The following NKAIN3 variants were observed in gnomAD, a reference collection of about 807,000 sequenced individuals.
NKAIN3 encodes the protein sodium/potassium transporting ATPase interacting 3, also known as sodium/potassium-transporting ATPase subunit beta-1-interacting protein 3.
Under a neutral mutation model 30.2 loss-of-function variants are expected in NKAIN3, and 25 were observed. The observed-to-expected ratio is 0.83, with a 90% CI of 0.60 to 1.16. NKAIN3 has a LOEUF of 1.16. Ranked by LOEUF, NKAIN3 falls within the 50% of genes most tolerant of loss-of-function variation. NKAIN3 has a pLI of 0.00. For missense variants in NKAIN3, 225 were observed against 254.1 expected (o/e 0.89, Z 0.78); for synonymous variants, 91 against 89.6 (o/e 1.02, Z -0.09).
chr8:62,796,556 T>G (rs192044935), intron 4 of NKAIN3, among the ~76,000 whole-genome samples: 52 of 152,208 alleles, frequency 3.4e-4, no homozygotes, highest in African/African-American at 9.9e-4. Flanking sequence ...ATTCCTCACA[T>G]GTAGGCCATT....
In NKAIN3 at chr8:62,485,944, T is replaced by C. The variant is rs1806887097; in HGVS notation, c.55-93595T>C. On this transcript the variant is annotated intron_variant, in intron 1 of 6. Transcript: ENST00000623646. ...GGCGGGGCTGAGTGATGACAACAAGTACATATTAATTAGAAAATAGTTGTA... is the reference window on the plus strand; with the variant it reads ...GGCGGGGCTGAGTGATGACAACAAGCACATATTAATTAGAAAATAGTTGTA... 2.0e-5 allele frequency among the ~76,000 whole-genome samples: 3 copies of C among 152,182 alleles called. No homozygotes were observed. The South Asian group carries it at 6.2e-4, about 31-fold the overall frequency.
intron 4 of NKAIN3, among the ~76,000 whole-genome samples, chr8:62,774,041 C>T (rs1338327435): frequency 6.6e-6 from 1 of 152,146 alleles, no homozygotes; most frequent in Admixed American, 6.6e-5. Context: ...AGCATATGAA[C>T]ATAAAATATC....
intron 1 of NKAIN3, among the ~76,000 whole-genome samples, chr8:62,453,455 C>T (rs1011528050): frequency 2.0e-5 from 3 of 152,012 alleles, no homozygotes; most frequent in African/African-American, 7.2e-5. Flanking sequence ...AACCTAACAT[C>T]ACAATTAGAG....
intron 1 of NKAIN3, among the ~76,000 whole-genome samples, chr8:62,519,997 C>T (rs1563437361): frequency 1.3e-5 from 2 of 152,080 alleles, no homozygotes; most frequent in Admixed American, 6.6e-5. Context: ...TTTTTGCAGA[C>T]TTTGCTTCGT....
At chr8:62,582,817 C>T (rs1451700369) in intron 2 of NKAIN3, among the ~76,000 whole-genome samples, 1 of 126,744 alleles carries the variant, frequency 7.9e-6, no homozygotes, top group Non-Finnish European at 1.8e-5. Flanking sequence ...GAGTAAATGG[C>T]AGTGAAGAGG....
intron 4 of NKAIN3, among the ~76,000 whole-genome samples, chr8:62,800,249 C>CAATG (rs1372485302): frequency 6.6e-6 from 1 of 152,056 alleles, no homozygotes; most frequent in Non-Finnish European, 1.5e-5. Context: ...GTTAAATTGG[C>CAATG]CATACTGCAT....
At chr8:62,317,901 A>T (rs907418526) in intron 1 of NKAIN3, among the ~76,000 whole-genome samples, 6 of 152,116 alleles carry the variant, frequency 3.9e-5, no homozygotes, top group Non-Finnish European at 8.8e-5. Context: ...GATTCTTCCT[A>T]CCCATGAGCA....
intron 1 of NKAIN3, among the ~76,000 whole-genome samples, chr8:62,497,471 G>T (rs950246574): frequency 6.6e-6 from 1 of 151,834 alleles, no homozygotes; most frequent in Non-Finnish European, 1.5e-5. Context: ...AGTCTTAGAG[G>T]CGTTTATAGC....
chr8:62,399,915 A>G (rs1817881519), intron 1 of NKAIN3, among the ~76,000 whole-genome samples: 1 of 152,192 alleles, frequency 6.6e-6, no homozygotes, highest in Admixed American at 6.5e-5. Flanking sequence ...TTAAAAACTG[A>G]GACAATGGTC....
intron 5 of NKAIN3, among the ~76,000 whole-genome samples, chr8:62,938,311 A>G (rs1457179315): frequency 1.3e-5 from 2 of 151,822 alleles, no homozygotes; most frequent in African/African-American, 4.8e-5. Context: ...TAAAAGAACA[A>G]CTCATAAAAG....
chr8:62,816,705 C>A (rs1178186548), intron 4 of NKAIN3, among the ~76,000 whole-genome samples: 2 of 152,132 alleles, frequency 1.3e-5, no homozygotes, highest in Admixed American at 1.3e-4. Flanking sequence ...ACACTTCAGC[C>A]CTCAGAGTGG....
intron 4 of NKAIN3, among the ~76,000 whole-genome samples, chr8:62,894,001 A>G (rs1586318720): frequency 1.3e-5 from 2 of 152,322 alleles, no homozygotes; most frequent in South Asian, 4.1e-4. Flanking sequence ...AATACTACCA[A>G]TGAAAACCCA....
chr8:62,355,762 C>T (rs922152649), intron 1 of NKAIN3, among the ~76,000 whole-genome samples: 2 of 152,114 alleles, frequency 1.3e-5, no homozygotes, highest in East Asian at 1.9e-4. Context: ...CATGCATTTG[C>T]GACATTTAGA....
At chr8:62,624,956 C>G (rs1217619336) in intron 3 of NKAIN3, among the ~76,000 whole-genome samples, 2 of 151,910 alleles carry the variant, frequency 1.3e-5, no homozygotes, top group East Asian at 3.9e-4. Flanking sequence ...TTTTTAAAAC[C>G]TAGAATTTCC....
chr8:62,787,307 A>G (rs1817553759), intron 4 of NKAIN3, among the ~76,000 whole-genome samples: 1 of 152,126 alleles, frequency 6.6e-6, no homozygotes, highest in Non-Finnish European at 1.5e-5. Context: ...TCTCCAAAAG[A>G]TTTAGGCAGC....
At chr8:62,731,330 A>G (rs1815458134) in intron 3 of NKAIN3, among the ~76,000 whole-genome samples, 1 of 151,846 alleles carries the variant, frequency 6.6e-6, no homozygotes, top group Non-Finnish European at 1.5e-5. Flanking sequence ...TTTTCAGTTT[A>G]ATTTCAATAA....
At chr8:62,858,407 A>G (rs923942183) in intron 4 of NKAIN3, among the ~76,000 whole-genome samples, 1 of 152,180 alleles carries the variant, frequency 6.6e-6, no homozygotes, top group African/African-American at 2.4e-5. Flanking sequence ...GGATCTCTTC[A>G]GCCTCTGATC....
chr8:62,328,447 T>C (rs549367112), intron 1 of NKAIN3, among the ~76,000 whole-genome samples: 2 of 152,102 alleles, frequency 1.3e-5, no homozygotes, highest in Admixed American at 6.6e-5. Context: ...CATGAGAAAC[T>C]GTGGGTAGCA....
chr8:62,943,719 T>G (rs1355235590), intron 5 of NKAIN3, among the ~76,000 whole-genome samples: 2 of 148,448 alleles, frequency 1.3e-5, no homozygotes, highest in African/African-American at 2.4e-5. Flanking sequence ...AAAGAAAATT[T>G]TTTAAAATGT....
Sources: allele counts gnomAD v4.1 joint callset (sites outside exome capture counted in the v4.1 genomes callset), GRCh38; gene constraint gnomAD v4.1.1; transcripts MANE v1.5; gene names NCBI Gene and HGNC (gene_info 2026-07-23, HGNC 2026-07-21).